MRPS27: variants seen among roughly 807,000 people sequenced by gnomAD.
The protein encoded by MRPS27 is small ribosomal subunit protein mS27.
MRPS27 carries 43 observed loss-of-function variants against 48.9 expected under a neutral mutation model. That is an observed-to-expected ratio of 0.88 (90% CI 0.69 to 1.13). MRPS27 has a LOEUF of 1.13. Ranked by LOEUF, MRPS27 falls within the 50% of genes most tolerant of loss-of-function variation. MRPS27 has a pLI of 0.00. For synonymous variants in MRPS27, 188 were observed against 171.9 expected (o/e 1.09, Z -0.73); for missense variants, 467 against 476.3 (o/e 0.98, Z 0.18).
At chr5:72,270,146 T>C (rs914768790) in intron 4 of MRPS27, among the ~76,000 whole-genome samples, 3 of 150,130 alleles carry the variant, frequency 2.0e-5, no homozygotes, top group African/African-American at 7.3e-5. Context: ...TGAGCTGAGA[T>C]TGCATCATTA....
rs79928128 is a variant in MRPS27, at chr5:72,265,965, G to A, written c.282-27837C>T. Among the ~76,000 whole-genome samples the A allele has an allele frequency of 3.7e-3, 564 of 152,238 alleles. 1 individual carries two copies. The highest frequency in any genetic ancestry group is 0.013 in the African/African-American group (548 of 41,546). ...GATTTTGATTTGAAATTCGTTAATG[G>A]TTTTTTCCTCCTATGAAGGTGGTGT... On this transcript the variant is annotated intron_variant, in intron 4 of 10. Transcript: ENST00000261413.
At chr5:72,295,685 A>G (rs1749959491) in intron 3 of MRPS27, 96 bp from the exon 4 acceptor site, 3 of 877,926 alleles carry the variant, frequency 3.4e-6, no homozygotes, top group Admixed American at 4.1e-5. Context: ...AAAACACAGG[A>G]CACCCATTTT....
rs566808103 is a variant in MRPS27, at chr5:72,242,737, A to C, written c.282-4609T>G. Among the ~76,000 whole-genome samples, 18 of 150,638 alleles carry C rather than the reference A, an allele frequency of 1.2e-4. No individual in the cohort carries two copies. In the East Asian group the frequency reaches 3.1e-3, roughly 26 times the overall value. Reference sequence around the variant, plus strand: ...GGCACTCATAGCACACATACACACCAAAAATAGGGGGGAAAAAAAAGGAAA... The same window carrying C: ...GGCACTCATAGCACACATACACACCCAAAATAGGGGGGAAAAAAAAGGAAA... On this transcript the variant is annotated intron_variant, in intron 4 of 10. Coordinates refer to ENST00000261413, the MANE Select transcript of MRPS27 (RefSeq NM_015084.3).
intron 4 of MRPS27, among the ~76,000 whole-genome samples, chr5:72,276,434 A>C (rs1431696471): frequency 6.6e-6 from 1 of 152,234 alleles, no homozygotes; most frequent in Non-Finnish European, 1.5e-5. Flanking sequence ...TTAAAGATTC[A>C]AATGTAAAAT....
rs973984498 is a variant in MRPS27 at position 72,266,190 on chromosome 5, G to T, written c.282-28062C>A. 4.6e-5 allele frequency among the ~76,000 whole-genome samples: 7 copies of T among 152,004 alleles called. No homozygotes were observed. In the South Asian group the frequency reaches 1.5e-3, roughly 32 times the overall value. ...CAGTGAGGCATGATAATTTGAAAGA[G>T]CACACATATCCAGATATGCAGCAGT... On this transcript the variant is annotated intron_variant, in intron 4 of 10. Transcript: ENST00000261413.
chr5:72,224,388 C>T (rs1008055205), intron 9 of MRPS27, among the ~76,000 whole-genome samples: 2 of 152,082 alleles, frequency 1.3e-5, no homozygotes, highest in African/African-American at 2.4e-5. Flanking sequence ...GCCAAATAAG[C>T]GAGCTACGAA....
chr5:72,232,731 T>C (rs573992409), intron 6 of MRPS27, among the ~76,000 whole-genome samples, 173 bp from the exon 7 acceptor site: 153 of 152,260 alleles, frequency 1.0e-3, no homozygotes, highest in Non-Finnish European at 1.8e-3. Flanking sequence ...CAAACAAGGT[T>C]TTTCCTCAGC....
Position 72,317,558 on chromosome 5 carries a change from AAT to A in MRPS27, c.73+2589_73+2590del, listed in dbSNP as rs1373008964. 4.6e-5 allele frequency among the ~76,000 whole-genome samples: 7 copies of A among 152,190 alleles called. No homozygotes were observed. In the South Asian group the frequency reaches 1.0e-3, roughly 23 times the overall value. On this transcript the variant is annotated intron_variant, in intron 1 of 10. Transcript: ENST00000261413. The stretch of plus-strand genomic sequence containing the variant: ...CCACCACGCCTAATTTTGTATTTTT[AAT>A]AGAGACAGGGTTTCTCCATGTTGGC...
rs185445528 is a variant in MRPS27 at position 72,320,151 on chromosome 5, G to A, written c.71C>T (p.Ala24Val). 1 of 1,613,886 alleles carries A rather than the reference G, an allele frequency of 6.2e-7. No individual in the cohort carries two copies. Among genetic ancestry groups the A allele is most frequent in the Non-Finnish European group, 8.5e-7 (1 of 1,179,798 alleles). ...CCTAATGAAGCTGTCCGGCCAACCT[G>A]CAGGAGAGAGCTGAGGAAGAACCAC... ...RQVVLPQLSP[A>V]GKRYLLSSAY... The change falls in exon 1 of 11, where the codon GCA (alanine) becomes GTA (valine). Residue 24 changes from alanine (A) to valine (V), a missense_variant and splice_region_variant. By Grantham distance (64) the Ala-to-Val change is moderately conservative. Coordinates refer to ENST00000261413, the MANE Select transcript of MRPS27 (RefSeq NM_015084.3).
chr5:72,311,813 GAGTTCTTTGCAGTTTTTATAAGTTTAA>G (rs1246536985), intron 2 of MRPS27, among the ~76,000 whole-genome samples: 55 of 152,340 alleles, frequency 3.6e-4, no homozygotes, highest in African/African-American at 1.3e-3. Flanking sequence ...AGATATAGAG[GAGTTCTTTGCAGTTTTTATAAGTTTAA>G]AATTATTTCC....
intron 4 of MRPS27, chr5:72,241,577 T>C: frequency 7.0e-7 from 1 of 1,430,766 alleles, no homozygotes; most frequent in Admixed American, 2.0e-5. Context: ...TTCAGACAAA[T>C]AAATGTGGGG....
intron 4 of MRPS27, among the ~76,000 whole-genome samples, chr5:72,245,996 A>G (rs1446866745): frequency 2.0e-5 from 3 of 152,196 alleles, no homozygotes; most frequent in East Asian, 1.9e-4. Flanking sequence ...ATACAATCCA[A>G]TTCATAGCTA....
chr5:72,232,748 C>T (rs896369142), intron 6 of MRPS27, among the ~76,000 whole-genome samples, 190 bp from the exon 7 acceptor site: 1 of 152,150 alleles, frequency 6.6e-6, no homozygotes, highest in South Asian at 2.1e-4. Context: ...CAGCCTTTAG[C>T]TTCTATTTTA....
chr5:72,222,782 A>T (rs1406628159), intron 10 of MRPS27, among the ~76,000 whole-genome samples: 1 of 152,356 alleles, frequency 6.6e-6, no homozygotes, highest in South Asian at 2.1e-4. Flanking sequence ...GTTTCAAATT[A>T]TAAGAGGGAA....
chr5:72,264,420 A>G (rs1437304798), intron 4 of MRPS27, among the ~76,000 whole-genome samples: 1 of 152,062 alleles, frequency 6.6e-6, no homozygotes, highest in Non-Finnish European at 1.5e-5. Flanking sequence ...ATTTTTAAAA[A>G]AAAAGAGAGA....
chr5:72,319,946 G>A (rs1750703565), intron 1 of MRPS27: 9 of 613,282 alleles, frequency 1.5e-5, no homozygotes, highest in Non-Finnish European at 2.3e-5. Context: ...ACTGCTCTTC[G>A]TACCTTTGGA....
At chr5:72,262,030 C>T (rs1219513294) in intron 4 of MRPS27, among the ~76,000 whole-genome samples, 1 of 152,158 alleles carries the variant, frequency 6.6e-6, no homozygotes, top group Non-Finnish European at 1.5e-5. Context: ...TCTGTTCTGC[C>T]CCTAAACCCT....
chr5:72,220,889 T>G lies in MRPS27; in HGVS notation c.*20A>C. 1.2e-6 allele frequency: 2 copies of G among 1,613,428 alleles called. No homozygotes were observed. Among genetic ancestry groups the G allele is most frequent in the Non-Finnish European group, 1.7e-6 (2 of 1,179,656 alleles). Reference sequence around the variant, plus strand: ...TTGAGTGAAGTTCTTGTGAGACAGGTGGGGCCCTGGGGGACCCTATTAGGC... The same window carrying G: ...TTGAGTGAAGTTCTTGTGAGACAGGGGGGGCCCTGGGGGACCCTATTAGGC... On this transcript the variant is annotated 3_prime_UTR_variant, in exon 11 of 11. Transcript: ENST00000261413.
chr5:72,272,655 T>C (rs1749277265), intron 4 of MRPS27, among the ~76,000 whole-genome samples: 3 of 152,212 alleles, frequency 2.0e-5, no homozygotes, highest in Non-Finnish European at 2.9e-5. Context: ...TGATTTCACT[T>C]GGCTGTGAGT....
Sources: gnomAD v4.1 joint callset for allele counts (sites outside exome capture counted in the v4.1 genomes callset) on GRCh38, gnomAD v4.1.1 for gene constraint, MANE v1.5 for transcripts, NCBI Gene and HGNC (gene_info 2026-07-23, HGNC 2026-07-21) for gene names.